THSD4: variants seen among roughly 807,000 people sequenced by gnomAD.
THSD4 encodes thrombospondin type-1 domain-containing protein 4.
THSD4 carries 69 observed loss-of-function variants against 119.0 expected under a neutral mutation model. The observed-to-expected ratio is 0.58, with a 90% confidence interval of 0.48 to 0.71. The LOEUF (loss-of-function observed/expected upper bound fraction) is 0.71, where lower values mean the gene tolerates loss of function less well. Ranked by LOEUF, THSD4 falls within the 30% of genes least tolerant of loss-of-function variation. The pLI is 0.00. For synonymous variants in THSD4, 524 were observed against 540.4 expected (o/e 0.97, Z 0.42); for missense variants, 1,393 against 1,391.1 (o/e 1.00, Z -0.02).
chr15:71,460,249 G>C (rs2047408786), intron 7 of THSD4, among the ~76,000 whole-genome samples: 1 of 150,100 alleles, frequency 6.7e-6, no homozygotes, highest in African/African-American at 2.4e-5. Flanking sequence ...TCACTTACCA[G>C]CATTCATAAA....
chr15:71,439,167 T>C (rs1279734518), intron 7 of THSD4, among the ~76,000 whole-genome samples: 1 of 152,242 alleles, frequency 6.6e-6, no homozygotes, highest in African/African-American at 2.4e-5. Flanking sequence ...AGGCGGCTCT[T>C]GAGGAACCGT....
intron 8 of THSD4, among the ~76,000 whole-genome samples, chr15:71,677,163 G>A (rs2051669277): frequency 6.6e-6 from 1 of 152,210 alleles, no homozygotes; most frequent in Admixed American, 6.5e-5. Flanking sequence ...GGTCAGCTCT[G>A]AGGCATCAGG....
At chr15:71,175,037 A>G (rs1307556415) in intron 3 of THSD4, among the ~76,000 whole-genome samples, 1 of 141,666 alleles carries the variant, frequency 7.1e-6, no homozygotes, top group Non-Finnish European at 1.5e-5. Context: ...AAGATGGGGA[A>G]AAAACAGAAC....
chr15:71,466,351 A>C (rs902860801), intron 7 of THSD4, among the ~76,000 whole-genome samples: 18 of 151,880 alleles, frequency 1.2e-4, no homozygotes, highest in African/African-American at 4.4e-4. Flanking sequence ...TCTCAAAAAA[A>C]AAAAAAAGGA....
chr15:71,551,478 G>A (rs2048927201), intron 7 of THSD4, among the ~76,000 whole-genome samples: 1 of 152,146 alleles, frequency 6.6e-6, no homozygotes, highest in Non-Finnish European at 1.5e-5. Context: ...CTGTGTGTTG[G>A]GGGTCTTCAA....
chr15:71,119,685 C>T (rs866322460), intron 1 of THSD4, among the ~76,000 whole-genome samples: 31 of 152,154 alleles, frequency 2.0e-4, no homozygotes, highest in African/African-American at 6.8e-4. Flanking sequence ...GGAGAAAGAC[C>T]AGGGTGGGTT....
intron 6 of THSD4, among the ~76,000 whole-genome samples, chr15:71,313,806 T>TG (rs1172488897): frequency 2.6e-5 from 4 of 152,220 alleles, no homozygotes; most frequent in Non-Finnish European, 5.9e-5. Flanking sequence ...TTGTACCGAC[T>TG]GGGGGCTCTC....
At chr15:71,413,342 A>G (rs1004565884) in intron 7 of THSD4, among the ~76,000 whole-genome samples, 2 of 152,218 alleles carry the variant, frequency 1.3e-5, no homozygotes, top group Non-Finnish European at 2.9e-5. Context: ...TAAAATATAC[A>G]ATAAATTATT....
rs558246209 is a variant in THSD4 at position 71,243,641 on chromosome 15, T to C, written c.912+545T>C. Among the ~76,000 whole-genome samples the C allele has an allele frequency of 2.3e-3, 344 of 152,318 alleles. 2 individuals carry two copies. Among genetic ancestry groups the C allele is most frequent in the African/African-American group, 7.8e-3 (324 of 41,552 alleles). On this transcript the variant is annotated intron_variant, in intron 5 of 17. Transcript: ENST00000261862. Reference sequence around the variant, plus strand: ...AGTATGTTGTTATTTTAAGGACCTGTATAGCTGTACTCATGCATATATATA... The same window carrying C: ...AGTATGTTGTTATTTTAAGGACCTGCATAGCTGTACTCATGCATATATATA...
chr15:71,299,958 AC>A (rs1405563826), intron 6 of THSD4, among the ~76,000 whole-genome samples: 314 of 11,422 alleles, frequency 0.027, no homozygotes, highest in Non-Finnish European at 0.061. Context: ...CCCTGTCTCT[AC>A]CAAAAAAAAA....
At chr15:71,567,397 A>T (rs531658928) in intron 7 of THSD4, among the ~76,000 whole-genome samples, 1 of 152,290 alleles carries the variant, frequency 6.6e-6, no homozygotes, top group East Asian at 1.9e-4. Flanking sequence ...TCAAGCCAGT[A>T]GCCACTGTGG....
intron 7 of THSD4, among the ~76,000 whole-genome samples, chr15:71,472,407 A>G (rs1056432757): frequency 1.1e-4 from 16 of 152,186 alleles, no homozygotes; most frequent in African/African-American, 3.9e-4. Context: ...AATTCATTCT[A>G]GAGTAACTCT....
At chr15:71,399,873 CAG>C (rs1438321685) in intron 6 of THSD4, among the ~76,000 whole-genome samples, 2 of 152,222 alleles carry the variant, frequency 1.3e-5, no homozygotes, top group African/African-American at 4.8e-5. Flanking sequence ...GCCACTGAAT[CAG>C]AGTGTTGTGG....
intron 7 of THSD4, among the ~76,000 whole-genome samples, chr15:71,585,848 T>G (rs951600213): frequency 4.6e-5 from 7 of 152,222 alleles, no homozygotes; most frequent in African/African-American, 1.4e-4. Context: ...CAATTCTTTC[T>G]TCTGCGTGAT....
At chr15:71,344,587 A>G (rs1453494237) in intron 6 of THSD4, among the ~76,000 whole-genome samples, 1 of 152,110 alleles carries the variant, frequency 6.6e-6, no homozygotes, top group African/African-American at 2.4e-5. Context: ...TATGTCCTCC[A>G]CAGTACTCAG....
intron 7 of THSD4, among the ~76,000 whole-genome samples, chr15:71,636,779 T>G (rs919423720): frequency 6.6e-6 from 1 of 151,786 alleles, no homozygotes; most frequent in African/African-American, 2.4e-5. Flanking sequence ...CTCCCACCTC[T>G]CTCCTCAGAC....
At chr15:71,557,276 A>C (rs952120215) in intron 7 of THSD4, among the ~76,000 whole-genome samples, 2 of 152,342 alleles carry the variant, frequency 1.3e-5, no homozygotes, top group African/African-American at 4.8e-5. Flanking sequence ...GTGATAAATT[A>C]CAGAAACAGA....
chr15:71,697,882 A>G (rs377101955), intron 8 of THSD4, among the ~76,000 whole-genome samples: 7 of 151,852 alleles, frequency 4.6e-5, no homozygotes, highest in Non-Finnish European at 7.4e-5. Flanking sequence ...TTTTTTCTCT[A>G]TGTATGCATG....
chr15:71,303,935 G>C (rs1438606989), intron 6 of THSD4, among the ~76,000 whole-genome samples: 1 of 152,128 alleles, frequency 6.6e-6, no homozygotes, highest in Non-Finnish European at 1.5e-5. Context: ...CCCAAAGCAG[G>C]CCTCTTTGGT....
Sources: allele counts gnomAD v4.1 joint callset (sites outside exome capture counted in the v4.1 genomes callset), GRCh38; gene constraint gnomAD v4.1.1; transcripts MANE v1.5; gene names NCBI Gene and HGNC (gene_info 2026-07-23, HGNC 2026-07-21).